The following N4BP2L2 variants were observed in gnomAD, a reference collection of about 807,000 sequenced individuals.
N4BP2L2 encodes NEDD4-binding protein 2-like 2.
A neutral mutation model predicts 56.2 loss-of-function variants in N4BP2L2; 50 were observed. The observed-to-expected ratio is 0.89, with a 90% CI of 0.71 to 1.13. The LOEUF is 1.13. Among genes scored for constraint, N4BP2L2 ranks in the 50% most tolerant of loss-of-function variants. The pLI is 0.00. For synonymous variants in N4BP2L2, 203 were observed against 223.6 expected (o/e 0.91, Z 0.82); for missense variants, 689 against 693.8 (o/e 0.99, Z 0.08).
chr13:32,498,672 A>G lies in N4BP2L2; in HGVS notation c.365+19185T>C, dbSNP rs866492055. Among the ~76,000 whole-genome samples the G allele has an allele frequency of 3.9e-5, 6 of 152,072 alleles. 1 individual carries two copies. The South Asian group carries it at 1.2e-3, about 32-fold the overall frequency. ...AATCACTTCTTTATTATACATTACT[A>G]AAGTATCAGACTATGATGGACTGGA... is the stretch of plus-strand genomic sequence containing the variant. On this transcript the variant is annotated intron_variant, in intron 6 of 9. Transcript: ENST00000357505.
At chr13:32,521,614 C>T (rs890985567) in intron 4 of N4BP2L2, 165 bp from the exon 5 acceptor site, 23 of 504,798 alleles carry the variant, frequency 4.6e-5, no homozygotes, top group Middle Eastern at 5.1e-4. Context: ...ACTATTTAAC[C>T]GGATAAATTT....
intron 6 of N4BP2L2, among the ~76,000 whole-genome samples, chr13:32,461,660 T>G (rs1593559950): frequency 6.6e-6 from 1 of 152,172 alleles, no homozygotes; most frequent in Admixed American, 6.5e-5. Flanking sequence ...GGAGTGGCAG[T>G]GGTGTGATTA....
chr13:32,509,584 T>G (rs1003586702), downstream of N4BP2L2, among the ~76,000 whole-genome samples: 2 of 152,190 alleles, frequency 1.3e-5, no homozygotes, highest in African/African-American at 4.8e-5. Context: ...ATCCCTGGTT[T>G]TAATTTTCAA....
At chr13:32,467,765 G>A (rs1336266256) in intron 6 of N4BP2L2, among the ~76,000 whole-genome samples, 1 of 151,110 alleles carries the variant, frequency 6.6e-6, no homozygotes, top group Non-Finnish European at 1.5e-5. Flanking sequence ...AAGGCTGGTG[G>A]AATCACCTGA....
chr13:32,470,764 G>A (rs1020818982), intron 6 of N4BP2L2, among the ~76,000 whole-genome samples: 6 of 152,188 alleles, frequency 3.9e-5, no homozygotes, highest in South Asian at 2.1e-4. Context: ...TTAGAACAGC[G>A]GAGTATGCTG....
chr13:32,522,004 A>AACAT lies in N4BP2L2; in HGVS notation c.1473+174_1473+177dup, dbSNP rs2051093888. On this transcript the variant is annotated intron_variant, in intron 4 of 5. Transcript: ENST00000267068. The stretch of plus-strand genomic sequence containing the variant: ...AAAACAAACAAAAATTAACAAGATG[A>AACAT]ACATGTTCCTTAAAAAACATCATTC... 20 of 558,306 alleles carry AACAT rather than the reference A, an allele frequency of 3.6e-5. No homozygotes were observed. In the South Asian group the frequency reaches 4.2e-4, roughly 12 times the overall value. 34.6% of individuals were successfully genotyped at this position (558,306 alleles called of 1,614,324 possible). A position where few individuals can be genotyped will look rare whatever the true frequency, so the allele number is the denominator to read the frequency against.
chr13:32,496,860 A>T (rs2139459567), intron 6 of N4BP2L2, among the ~76,000 whole-genome samples: 1 of 152,270 alleles, frequency 6.6e-6, no homozygotes, highest in Non-Finnish European at 1.5e-5. Flanking sequence ...TCTTGTAATG[A>T]TTCTACATGC....
chr13:32,520,221 A>G (rs937887230), intron 5 of N4BP2L2, among the ~76,000 whole-genome samples: 5 of 152,124 alleles, frequency 3.3e-5, no homozygotes, highest in African/African-American at 1.2e-4. Flanking sequence ...AGGTTGCACA[A>G]CTCTGTGAAT....
At chr13:32,444,800 T>C (rs2076793396) in intron 6 of N4BP2L2, among the ~76,000 whole-genome samples, 1 of 152,240 alleles carries the variant, frequency 6.6e-6, no homozygotes, top group Admixed American at 6.5e-5. Context: ...GTTAACATCA[T>C]AGAGTGTACT....
chr13:32,470,627 C>T (rs2082123131), intron 6 of N4BP2L2, among the ~76,000 whole-genome samples: 1 of 152,188 alleles, frequency 6.6e-6, no homozygotes, highest in Non-Finnish European at 1.5e-5. Context: ...TATATGCTTC[C>T]CTTCAGGCTA....
exon 2 of N4BP2L2, chr13:32,536,824 C>CAGGAGAACA: frequency 6.2e-7 from 1 of 1,613,880 alleles, no homozygotes; most frequent in East Asian, 2.2e-5. Flanking sequence ...TGTTCTCCTG[C>CAGGAGAACA]AAATAACTAT....
intron 2 of N4BP2L2, among the ~76,000 whole-genome samples, chr13:32,532,691 A>G (rs2055238124): frequency 6.7e-6 from 1 of 150,290 alleles, no homozygotes; most frequent in South Asian, 2.1e-4. Context: ...CCCGGGTTCA[A>G]GCGATTCTCC....
intron 6 of N4BP2L2, among the ~76,000 whole-genome samples, chr13:32,503,618 A>G (rs899449769): frequency 1.3e-5 from 2 of 152,250 alleles, no homozygotes; most frequent in African/African-American, 4.8e-5. Flanking sequence ...AAATTTAAAA[A>G]GCTAAATTTT....
At chr13:32,521,938 TGCACTCCA>T (rs2051070759) in intron 4 of N4BP2L2, 1 of 407,414 alleles carries the variant, frequency 2.5e-6, no homozygotes, top group Non-Finnish European at 4.3e-6. Context: ...ATGGTGCCAC[TGCACTCCA>T]GCCTGGGTGA....
At chr13:32,483,293 T>C (rs1192873476) in intron 6 of N4BP2L2, among the ~76,000 whole-genome samples, 1 of 152,212 alleles carries the variant, frequency 6.6e-6, no homozygotes, top group Non-Finnish European at 1.5e-5. Context: ...CAAGTTCATA[T>C]GCTACAGATA....
chr13:32,469,993 C>T (rs932708188), intron 6 of N4BP2L2, among the ~76,000 whole-genome samples: 12 of 152,154 alleles, frequency 7.9e-5, no homozygotes, highest in African/African-American at 1.9e-4. Flanking sequence ...TCCCTGAACA[C>T]GTATAAGTTT....
At position 32,526,431 on chromosome 13, in the gene N4BP2L2, TAA is replaced by T. The variant is rs35226430; in HGVS notation, c.1384+975_1384+976del. 3.3e-5 allele frequency among the ~76,000 whole-genome samples: 5 copies of T among 152,050 alleles called. No homozygotes were observed. The South Asian group carries it at 8.3e-4, about 25-fold the overall frequency. ...GCACTGAAGTGAAAGATGTGATTAG[TAA>T]AAAAGTTATTTTGAAATGTATAAAG... On this transcript the variant is annotated intron_variant, in intron 3 of 5. Transcript: ENST00000267068.
At chr13:32,536,288 G>A in exon 2 of N4BP2L2, 1 of 1,613,454 alleles carries the variant, frequency 6.2e-7, no homozygotes, top group Non-Finnish European at 8.5e-7. Context: ...TCCATTACAG[G>A]GATATTTGTC....
chr13:32,531,683 A>G (rs1405683082), intron 2 of N4BP2L2, among the ~76,000 whole-genome samples: 2 of 152,164 alleles, frequency 1.3e-5, no homozygotes, highest in African/African-American at 4.8e-5. Flanking sequence ...CTCCTTCAAA[A>G]GAAGGGAGAA....
Sources: gnomAD v4.1 joint callset for allele counts (sites outside exome capture counted in the v4.1 genomes callset) on GRCh38, gnomAD v4.1.1 for gene constraint, MANE v1.5 for transcripts, NCBI Gene and HGNC (gene_info 2026-07-23, HGNC 2026-07-21) for gene names.